Variants in ALK observed in about 807,000 individuals in gnomAD.
ALK encodes ALK tyrosine kinase receptor.
ALK carries 74 observed loss-of-function variants against 163.1 expected under a neutral mutation model. The ratio of observed to expected loss-of-function variants is 0.45; its 90% CI spans 0.38 to 0.55. The LOEUF (loss-of-function observed/expected upper bound fraction) is 0.55. Among genes scored for constraint, ALK ranks in the 20% least tolerant of loss-of-function variants. The pLI, the probability that ALK is intolerant of heterozygous loss-of-function variation, is 0.00. For missense variants in ALK, 2,063 were observed against 2,105.3 expected (o/e 0.98, Z 0.39); for synonymous variants, 960 against 843.2 (o/e 1.14, Z -2.40).
intron 7 of ALK, among the ~76,000 whole-genome samples, chr2:29,319,617 A>G (rs181245636): frequency 3.3e-4 from 51 of 152,332 alleles, no homozygotes; most frequent in African/African-American, 1.2e-3. Context: ...CCAGGTAAGG[A>G]AAGCTAATCT....
At chr2:29,810,989 G>A (rs575217000) in intron 1 of ALK, among the ~76,000 whole-genome samples, 65 of 152,208 alleles carry the variant, frequency 4.3e-4, no homozygotes, top group African/African-American at 1.5e-3. Context: ...AGCCAACTCT[G>A]ACAGCACCTT....
At chr2:29,262,644 T>C (rs973918105) in intron 11 of ALK, among the ~76,000 whole-genome samples, 1 of 152,226 alleles carries the variant, frequency 6.6e-6, no homozygotes, top group African/African-American at 2.4e-5. Flanking sequence ...AATGCTGAAG[T>C]ATCCCATGGA....
chr2:29,770,889 C>CCA (rs905110422), intron 1 of ALK, among the ~76,000 whole-genome samples: 1 of 150,748 alleles, frequency 6.6e-6, no homozygotes, highest in Non-Finnish European at 1.5e-5. Flanking sequence ...ATGCACACAG[C>CCA]CACACACACA....
At chr2:29,731,419 A>G (rs1277688241) in intron 1 of ALK, among the ~76,000 whole-genome samples, 1 of 152,112 alleles carries the variant, frequency 6.6e-6, no homozygotes, top group East Asian at 1.9e-4. Flanking sequence ...ACTCGGAGAA[A>G]CTGCTTTTGG....
intron 9 of ALK, among the ~76,000 whole-genome samples, chr2:29,285,920 C>T (rs1573193391): frequency 6.6e-6 from 1 of 152,076 alleles, no homozygotes; most frequent in East Asian, 1.9e-4. Context: ...CTAATATTCA[C>T]ACTCACTCTC....
chr2:29,881,526 T>C (rs1159548949), intron 1 of ALK, among the ~76,000 whole-genome samples: 4 of 152,184 alleles, frequency 2.6e-5, no homozygotes, highest in Admixed American at 2.6e-4. Context: ...CAAACTTTTG[T>C]ACTTGTGGGG....
intron 3 of ALK, among the ~76,000 whole-genome samples, chr2:29,543,520 G>C (rs536112899): frequency 2.6e-4 from 40 of 152,302 alleles, no homozygotes; most frequent in Non-Finnish European, 5.0e-4. Flanking sequence ...CACTCCACTT[G>C]AAGTTTTAGA....
chr2:29,891,865 C>A (rs1018955403), intron 1 of ALK, among the ~76,000 whole-genome samples: 1 of 152,176 alleles, frequency 6.6e-6, no homozygotes, highest in African/African-American at 2.4e-5. Context: ...CATCCAGCTT[C>A]TCTCTGTACA....
intron 12 of ALK, among the ~76,000 whole-genome samples, chr2:29,242,507 G>A (rs1664549310): frequency 6.6e-6 from 1 of 152,056 alleles, no homozygotes; most frequent in Non-Finnish European, 1.5e-5. Flanking sequence ...AGCCTTCTTT[G>A]CTATTTTTCT....
At chr2:29,816,118 A>G (rs1186996318) in intron 1 of ALK, among the ~76,000 whole-genome samples, 1 of 152,230 alleles carries the variant, frequency 6.6e-6, no homozygotes, top group African/African-American at 2.4e-5. Flanking sequence ...ACTGTAGGCT[A>G]TTCGAGAAGA....
intron 4 of ALK, among the ~76,000 whole-genome samples, chr2:29,530,844 T>C (rs751525303): frequency 6.6e-6 from 1 of 152,256 alleles, no homozygotes; most frequent in East Asian, 1.9e-4. Flanking sequence ...AGAAGATGGA[T>C]ATGAGTTTAG....
intron 4 of ALK, among the ~76,000 whole-genome samples, chr2:29,494,751 A>C (rs1026426648): frequency 6.6e-6 from 1 of 151,856 alleles, no homozygotes; most frequent in Admixed American, 6.6e-5. Flanking sequence ...GGATGCCTTG[A>C]TGGGTTTTGC....
chr2:29,708,085 TGAGATA>T (rs1678965764), intron 2 of ALK, among the ~76,000 whole-genome samples: 1 of 152,186 alleles, frequency 6.6e-6, no homozygotes, highest in South Asian at 2.1e-4. Context: ...ATTTAATTTT[TGAGATA>T]GAGTTTCGCT....
intron 1 of ALK, among the ~76,000 whole-genome samples, chr2:29,726,496 G>C (rs1160829004): frequency 6.6e-6 from 1 of 152,210 alleles, no homozygotes; most frequent in Non-Finnish European, 1.5e-5. Flanking sequence ...CTTTTGGAGT[G>C]AGAGAGTCCT....
chr2:29,825,389 C>CCATGTCTTAATGAATTTA (rs1243893193), intron 1 of ALK, among the ~76,000 whole-genome samples: 5 of 152,070 alleles, frequency 3.3e-5, no homozygotes, highest in Non-Finnish European at 7.4e-5. Context: ...ATGGTTTGGT[C>CCATGTCTTAATGAATTTA]CATGTCTTAA....
intron 3 of ALK, among the ~76,000 whole-genome samples, chr2:29,619,867 C>G (rs185167043): frequency 6.6e-6 from 1 of 152,178 alleles, no homozygotes; most frequent in African/African-American, 2.4e-5. Context: ...CAGGAGGCAG[C>G]CCCTGGGGCA....
At chr2:29,594,906 G>C (rs1290664839) in intron 3 of ALK, among the ~76,000 whole-genome samples, 2 of 91,708 alleles carry the variant, frequency 2.2e-5, no homozygotes, top group South Asian at 4.7e-4. Flanking sequence ...GGGGGTGGGG[G>C]GCGGGGGGCA....
intron 4 of ALK, among the ~76,000 whole-genome samples, chr2:29,420,885 C>T (rs185257879): frequency 2.0e-5 from 3 of 151,642 alleles, no homozygotes; most frequent in Admixed American, 6.5e-5. Context: ...GAATGCTAGC[C>T]AGACCTTACT....
intron 2 of ALK, among the ~76,000 whole-genome samples, chr2:29,695,675 AC>A (rs1407544979): frequency 4.6e-5 from 7 of 152,326 alleles, no homozygotes; most frequent in African/African-American, 1.7e-4. Flanking sequence ...CAGAAAAAAA[AC>A]AAACAACCCC....
Sources: gnomAD v4.1 joint callset for allele counts (sites outside exome capture counted in the v4.1 genomes callset) on GRCh38, gnomAD v4.1.1 for gene constraint, MANE v1.5 for transcripts, NCBI Gene and HGNC (gene_info 2026-07-23, HGNC 2026-07-21) for gene names.